Variants in SHC3 observed in about 807,000 individuals in gnomAD.
SHC3 encodes the protein SHC adaptor protein 3.
SHC3 carries 15 observed loss-of-function variants against 60.4 expected under a neutral mutation model. That is an observed-to-expected ratio of 0.25 (90% confidence interval 0.17 to 0.38). SHC3 has a LOEUF of 0.38. SHC3 is among the 10% of genes least tolerant of loss of function. The pLI, the probability that SHC3 is intolerant of heterozygous loss-of-function variation, is 1.00. For missense variants in SHC3, 677 were observed against 786.1 expected, an observed-to-expected ratio of 0.86 and a Z score of 1.66; for synonymous variants, 294 against 325.9, an observed-to-expected ratio of 0.90 and a Z score of 1.05.
rs1826969943 is a variant in SHC3, at chr9:89,178,067, C to T, written c.394G>A (p.Glu132Lys). The stretch of plus-strand genomic sequence containing the variant: ...CCCCGAGGGGGCCTGGGCAGCGGCT[C>T]GTCGCCGGGCCGGCCCTTCCTGGCG... ...SAARKGRPGD[E>K]PLPRPPRGAP... is the part of the protein sequence containing the mutation. The change falls in exon 1 of 12, where the codon GAG (glutamate) becomes AAG (lysine). Residue 132 changes from glutamate to lysine, a missense_variant. Transcript: ENST00000375835. The surrounding 1 kb of genome is among the most constrained non-coding windows in gnomAD (Gnocchi z 6.9). 19 of 1,206,704 alleles carry T rather than the reference C, an allele frequency of 1.6e-5. No homozygotes were observed. The highest frequency in any genetic ancestry group is 1.2e-4 in the South Asian group (3 of 24,268). 74.7% of individuals were successfully genotyped at this position (1,206,704 alleles called of 1,614,324 possible).
chr9:89,120,570 T>G (rs1208352263), intron 1 of SHC3, among the ~76,000 whole-genome samples: 1 of 152,222 alleles, frequency 6.6e-6, no homozygotes. Flanking sequence ...TCTCACATAT[T>G]CTTCGAGCAA....
At chr9:89,168,347 C>T (rs1328540996) in intron 1 of SHC3, among the ~76,000 whole-genome samples, 1 of 152,068 alleles carries the variant, frequency 6.6e-6, no homozygotes, top group Non-Finnish European at 1.5e-5. Flanking sequence ...TGCCGGTAAT[C>T]CCAGCTACTC....
rs536118616 is a variant in SHC3, at chr9:89,010,870, G to A, written c.*2577C>T. Reference sequence around the variant, plus strand: ...CAGCAGGGCTCACGAAATGCTGAGTGAGCAGAAGAGCTCTGCAGCCAGATG... The same window carrying A: ...CAGCAGGGCTCACGAAATGCTGAGTAAGCAGAAGAGCTCTGCAGCCAGATG... On this transcript the variant is annotated 3_prime_UTR_variant, in exon 12 of 12. Coordinates refer to ENST00000375835, the MANE Select transcript of SHC3 (RefSeq NM_016848.6). The A allele has an allele frequency of 3.3e-5, 5 of 152,400 alleles. No individual in the cohort carries two copies. In the South Asian group the frequency reaches 6.2e-4, roughly 19 times the overall value. The allele number at this position is 152,400 out of a possible 1,614,324, so 9.4% of individuals were successfully genotyped here. A position where few individuals can be genotyped will look rare whatever the true frequency, so the allele number is the denominator to read the frequency against.
intron 11 of SHC3, among the ~76,000 whole-genome samples, chr9:89,022,724 T>C (rs768797192): frequency 6.6e-6 from 1 of 152,180 alleles, no homozygotes; most frequent in Non-Finnish European, 1.5e-5. Context: ...TGAAAAATCA[T>C]GAAAGCCTCC....
intron 1 of SHC3, among the ~76,000 whole-genome samples, chr9:89,142,509 C>A (rs941915706): frequency 2.0e-5 from 3 of 151,768 alleles, no homozygotes; most frequent in African/African-American, 7.3e-5. Context: ...ATGGTGAAAT[C>A]CCATCTCTAT....
intron 2 of SHC3, among the ~76,000 whole-genome samples, chr9:89,110,671 A>G (rs1047414931): frequency 6.6e-6 from 1 of 152,246 alleles, no homozygotes; most frequent in African/African-American, 2.4e-5. Context: ...GACAGAAAGC[A>G]TCATGGAGAC....
chr9:89,092,909 G>A (rs748417929), intron 2 of SHC3, among the ~76,000 whole-genome samples: 5 of 152,064 alleles, frequency 3.3e-5, no homozygotes, highest in Non-Finnish European at 5.9e-5. Context: ...TCATGTTGTT[G>A]CATGCATTGG....
At chr9:89,050,903 C>CTT (rs5899064) in intron 7 of SHC3, among the ~76,000 whole-genome samples, 8,661 of 144,504 alleles carry the variant, frequency 0.06, 331 homozygotes, top group Middle Eastern at 0.1. Flanking sequence ...TTCTTTCGTT[C>CTT]TTTTTTTTTT....
At chr9:89,119,474 A>T (rs1486919888) in intron 1 of SHC3, among the ~76,000 whole-genome samples, 1 of 152,144 alleles carries the variant, frequency 6.6e-6, no homozygotes, top group African/African-American at 2.4e-5. Flanking sequence ...CATATTCTAT[A>T]TCAGACAAAT....
At chr9:89,137,946 A>G (rs1826341580) in intron 1 of SHC3, among the ~76,000 whole-genome samples, 1 of 152,204 alleles carries the variant, frequency 6.6e-6, no homozygotes, top group African/African-American at 2.4e-5. Flanking sequence ...CTTCACAAAG[A>G]CTTTCCTCTG....
At chr9:89,126,154 G>T (rs1826161632) in intron 1 of SHC3, among the ~76,000 whole-genome samples, 1 of 152,124 alleles carries the variant, frequency 6.6e-6, no homozygotes. Flanking sequence ...GGCTGACTAT[G>T]GGTAAGCAGA....
At chr9:89,020,323 A>T (rs148631427) in intron 11 of SHC3, among the ~76,000 whole-genome samples, 1 of 152,092 alleles carries the variant, frequency 6.6e-6, no homozygotes, top group Non-Finnish European at 1.5e-5. Flanking sequence ...GGTGAGAGGC[A>T]GCAGGGCAGG....
intron 2 of SHC3, among the ~76,000 whole-genome samples, chr9:89,081,985 G>A (rs1236763842): frequency 6.6e-6 from 1 of 151,930 alleles, no homozygotes; most frequent in African/African-American, 2.4e-5. Flanking sequence ...CCCCAGTGCT[G>A]AGCCCTTTGG....
chr9:89,155,496 C>T (rs1485214931), intron 1 of SHC3, among the ~76,000 whole-genome samples: 1 of 152,108 alleles, frequency 6.6e-6, no homozygotes, highest in African/African-American at 2.4e-5. Flanking sequence ...TCACCCAGAC[C>T]TCACAGGACT....
chr9:89,093,409 T>A (rs1271938894), intron 2 of SHC3, among the ~76,000 whole-genome samples: 2 of 152,184 alleles, frequency 1.3e-5, no homozygotes, highest in African/African-American at 2.4e-5. Flanking sequence ...GGTAGAAATG[T>A]TCTTGACTGC....
chr9:89,008,405 G>A lies in SHC3; in HGVS notation c.*5042C>T, dbSNP rs1350803369. ...GGCTGGAAACTCTCACTAGTGAGTG[G>A]TTCTCAAAGTCAAGACTTCAGAGCA... On this transcript the variant is annotated 3_prime_UTR_variant, in exon 12 of 12. Transcript: ENST00000375835. 6.6e-6 allele frequency: 1 copy of A among 152,186 alleles called. No homozygotes were observed. Among genetic ancestry groups the A allele is most frequent in the Non-Finnish European group, 1.5e-5 (1 of 68,036 alleles). 9.4% of individuals were successfully genotyped at this position (152,186 alleles called of 1,614,324 possible). A position where few individuals can be genotyped will look rare whatever the true frequency, so the allele number is the denominator to read the frequency against.
chr9:89,064,861 G>A (rs540858423), intron 6 of SHC3, among the ~76,000 whole-genome samples: 39 of 133,984 alleles, frequency 2.9e-4, no homozygotes, highest in African/African-American at 9.4e-4. Context: ...ACCTGGGGTA[G>A]GGGGGTAGTG....
At position 89,071,182 on chromosome 9, in the gene SHC3, AC is replaced by A. The variant is rs11326360; in HGVS notation, c.783+16del. 4.1e-3 allele frequency: 6,654 copies of A among 1,613,704 alleles called. 271 individuals are homozygous for A. In the African/African-American group the frequency reaches 0.078, roughly 19 times the overall value. On this transcript the variant is annotated intron_variant, in intron 5 of 11. Coordinates refer to ENST00000375835, the MANE Select transcript of SHC3 (RefSeq NM_016848.6). ...AATTCCCAACAAGAGCAAGAGACCAACCCCAAGGGTACTTACCGGGTCTCCC... is the reference window on the plus strand; with the variant it reads ...AATTCCCAACAAGAGCAAGAGACCAACCCAAGGGTACTTACCGGGTCTCCC...
chr9:89,123,043 A>G lies in SHC3; in HGVS notation c.475-10417T>C, dbSNP rs28661217. 9.2e-4 allele frequency among the ~76,000 whole-genome samples: 140 copies of G among 152,314 alleles called. 1 individual carries two copies. Among genetic ancestry groups the G allele is most frequent in the African/African-American group, 3.3e-3 (139 of 41,568 alleles). On this transcript the variant is annotated intron_variant, in intron 1 of 11. Coordinates refer to ENST00000375835, the MANE Select transcript of SHC3 (RefSeq NM_016848.6). ...AACTAGTCCCAGGTGATGCCAATGC[A>G]GCCAATCTGCCAGGTGGGTGGTGTT...
Sources: allele counts gnomAD v4.1 joint callset (sites outside exome capture counted in the v4.1 genomes callset), GRCh38; gene constraint gnomAD v4.1.1; non-coding constraint Gnocchi (gnomAD v3.1); transcripts MANE v1.5; gene names NCBI Gene and HGNC (gene_info 2026-07-23, HGNC 2026-07-21).